Variants in SNCAIP observed in about 807,000 individuals in gnomAD.
SNCAIP encodes synphilin-1.
In SNCAIP, 43 loss-of-function variants were observed where a neutral mutation model predicts 86.7. That is an observed-to-expected ratio of 0.50 (90% CI 0.39 to 0.64). The LOEUF is 0.64. Among genes scored for constraint, SNCAIP ranks in the 30% least tolerant of loss-of-function variants. The pLI is 0.00. For missense variants in SNCAIP, 981 were observed against 1,103.1 expected (o/e 0.89, Z 1.57); for synonymous variants, 417 against 427.2 (o/e 0.98, Z 0.29).
intron 1 of SNCAIP, among the ~76,000 whole-genome samples, chr5:122,346,075 T>C (rs1202772188): frequency 1.3e-5 from 2 of 152,172 alleles, no homozygotes; most frequent in Admixed American, 1.3e-4. Flanking sequence ...TAGAACATTT[T>C]GTTCAATTAA....
intron 2 of SNCAIP, among the ~76,000 whole-genome samples, chr5:122,403,022 G>T (rs2152872424): frequency 6.6e-6 from 1 of 152,144 alleles, no homozygotes; most frequent in East Asian, 1.9e-4. Context: ...AAGACTGATT[G>T]GCATCACATG....
Position 122,423,479 on chromosome 5 carries a change from G to A in SNCAIP, c.742G>A (p.Ala248Thr), listed in dbSNP as rs1343178444. 1 of 1,614,044 alleles carries A rather than the reference G, an allele frequency of 6.2e-7. No homozygotes were observed. Among genetic ancestry groups the A allele is most frequent in the African/African-American group, 1.3e-5 (1 of 74,906 alleles). Residue 248 changes from alanine to threonine, a missense_variant, in exon 4 of 11, where the codon GCA becomes ACA. Ala to Thr is a moderately conservative substitution (Grantham distance 58). Transcript: ENST00000261368. ...ACCTCCTCTGGTTAAATGTGGCTCT[G>A]CATATGAGCCTGAAAACCAGAGTAA... ...ISPPLVKCGSAYEPENQSKDF... is the reference protein window; with the variant it reads ...ISPPLVKCGSTYEPENQSKDF...
chr5:122,444,411 A>T, intron 7 of SNCAIP, 152 bp from the exon 8 acceptor site: 1 of 743,954 alleles, frequency 1.3e-6, no homozygotes, highest in African/African-American at 1.7e-5. Flanking sequence ...TGGCTCTGCT[A>T]CATCATCATA....
chr5:122,402,235 T>C (rs1240184255), intron 2 of SNCAIP, among the ~76,000 whole-genome samples: 1 of 152,110 alleles, frequency 6.6e-6, no homozygotes, highest in African/African-American at 2.4e-5. Context: ...CCAGAGTCCT[T>C]AGAGAGCTTG....
At chr5:122,391,759 G>C (rs189988312) in intron 2 of SNCAIP, among the ~76,000 whole-genome samples, 18 of 152,308 alleles carry the variant, frequency 1.2e-4, no homozygotes, top group Admixed American at 9.8e-4. Flanking sequence ...GGGCTGATGA[G>C]TCTCTTAATT....
chr5:122,389,886 T>G (rs1418539500), intron 1 of SNCAIP: 2 of 149,482 alleles, frequency 1.3e-5, no homozygotes, highest in Non-Finnish European at 3.0e-5. Flanking sequence ...GAATGGCAAG[T>G]TTTTTTTTTC....
intron 1 of SNCAIP, among the ~76,000 whole-genome samples, chr5:122,380,077 C>G (rs907160991): frequency 5.6e-4 from 85 of 151,856 alleles, no homozygotes; most frequent in Non-Finnish European, 9.0e-4. Flanking sequence ...GGAGGATTCC[C>G]TCTTTTTCTA....
chr5:122,375,861 C>T (rs1376562349), intron 1 of SNCAIP, among the ~76,000 whole-genome samples: 1 of 152,036 alleles, frequency 6.6e-6, no homozygotes, highest in Non-Finnish European at 1.5e-5. Context: ...GGCATGAATC[C>T]TGTATAATGA....
At chr5:122,442,274 A>G (rs1367114648) in intron 7 of SNCAIP, among the ~76,000 whole-genome samples, 1 of 152,120 alleles carries the variant, frequency 6.6e-6, no homozygotes, top group African/African-American at 2.4e-5. Context: ...GTTGCTCAGG[A>G]AGGTAGAGGA....
At chr5:122,364,726 T>C (rs921584714) in intron 1 of SNCAIP, among the ~76,000 whole-genome samples, 2 of 152,182 alleles carry the variant, frequency 1.3e-5, no homozygotes, top group African/African-American at 4.8e-5. Flanking sequence ...TTAATTTCAT[T>C]TTCTTTATTT....
chr5:122,330,124 T>TTTTTTC lies in SNCAIP; in HGVS notation c.-47+17845_-47+17846insCTTTTT, dbSNP rs1369301100. ...CCGTGTACAACTTCATTTCTTTTTT[T>TTTTTTC]TTTTTTTTTTTTTTTGAGACGGAGT... On this transcript the variant is annotated intron_variant, in intron 1 of 10. Transcript: ENST00000261368. Among the ~76,000 whole-genome samples the TTTTTTC allele has an allele frequency of 1.6e-5, 2 of 128,294 alleles. 1 individual carries two copies. Among genetic ancestry groups the TTTTTTC allele is most frequent in the African/African-American group, 6.1e-5 (2 of 32,542 alleles). The allele number at this position is 128,294 out of a possible 152,430, so 84.2% of individuals were successfully genotyped here. A position where few individuals can be genotyped will look rare whatever the true frequency, so the allele number is the denominator to read the frequency against.
intron 1 of SNCAIP, among the ~76,000 whole-genome samples, chr5:122,317,121 G>A (rs933147846): frequency 2.0e-5 from 3 of 152,136 alleles, no homozygotes; most frequent in South Asian, 2.1e-4. Context: ...GTCCCTAAGT[G>A]CCTTTTGTAG....
intron 2 of SNCAIP, among the ~76,000 whole-genome samples, chr5:122,392,678 G>A (rs1398228317): frequency 1.3e-5 from 2 of 152,140 alleles, no homozygotes; most frequent in African/African-American, 2.4e-5. Flanking sequence ...AGCCAGCCTG[G>A]GTTCCTACCT....
At chr5:122,410,693 C>T (rs1773934299) in intron 3 of SNCAIP, among the ~76,000 whole-genome samples, 1 of 152,118 alleles carries the variant, frequency 6.6e-6, no homozygotes, top group South Asian at 2.1e-4. Context: ...GGTAGTGGCA[C>T]ACCTCTGTAA....
At chr5:122,361,127 T>C (rs1473121267) in intron 1 of SNCAIP, among the ~76,000 whole-genome samples, 4 of 151,898 alleles carry the variant, frequency 2.6e-5, no homozygotes, top group Non-Finnish European at 5.9e-5. Flanking sequence ...CATTACATCC[T>C]TTATTTTGTG....
intron 6 of SNCAIP, among the ~76,000 whole-genome samples, chr5:122,438,775 T>C (rs1561772228): frequency 6.6e-6 from 1 of 152,234 alleles, no homozygotes; most frequent in Non-Finnish European, 1.5e-5. Context: ...GCTTTTTGAA[T>C]TGGATGATTC....
At chr5:122,353,372 G>A (rs554484383) in intron 1 of SNCAIP, among the ~76,000 whole-genome samples, 18 of 144,528 alleles carry the variant, frequency 1.2e-4, no homozygotes, top group Middle Eastern at 7.5e-3. Flanking sequence ...AAAATTCATC[G>A]TTATATAATT....
chr5:122,410,352 C>A (rs551360348), intron 3 of SNCAIP, among the ~76,000 whole-genome samples: 16 of 152,292 alleles, frequency 1.1e-4, no homozygotes, highest in African/African-American at 3.8e-4. Context: ...ACAGAACTTA[C>A]CCATGAAAGC....
chr5:122,461,469 T>TA (rs1786216270), intron 10 of SNCAIP, among the ~76,000 whole-genome samples: 1 of 152,150 alleles, frequency 6.6e-6, no homozygotes, highest in African/African-American at 2.4e-5. Flanking sequence ...ATTCTAATGT[T>TA]AGACACACTG....
Sources: gnomAD v4.1 joint callset for allele counts (sites outside exome capture counted in the v4.1 genomes callset) on GRCh38, gnomAD v4.1.1 for gene constraint, MANE v1.5 for transcripts, NCBI Gene and HGNC (gene_info 2026-07-23, HGNC 2026-07-21) for gene names.